The following KHDRBS3 variants were observed in gnomAD, a reference collection of about 807,000 sequenced individuals.
The protein encoded by KHDRBS3 is KH domain-containing, RNA-binding, signal transduction-associated protein 3.
Under a neutral mutation model 45.6 loss-of-function variants are expected in KHDRBS3, and 23 were observed. That is an observed-to-expected ratio of 0.50 (90% confidence interval 0.36 to 0.72). The LOEUF (loss-of-function observed/expected upper bound fraction) is 0.72. KHDRBS3 is among the 30% of genes least tolerant of loss of function. The pLI, the probability that KHDRBS3 is intolerant of heterozygous loss-of-function variation, is 0.00. For synonymous variants in KHDRBS3, 162 were observed against 156.5 expected, an observed-to-expected ratio of 1.04 and a Z score of -0.26; for missense variants, 352 against 424.8, an observed-to-expected ratio of 0.83 and a Z score of 1.51.
intron 6 of KHDRBS3, among the ~76,000 whole-genome samples, chr8:135,590,417 AT>A (rs1333746880): frequency 6.6e-6 from 1 of 152,138 alleles, no homozygotes; most frequent in Non-Finnish European, 1.5e-5. Flanking sequence ...CTGGGCCCGA[AT>A]TTTCTTTTAA....
intron 1 of KHDRBS3, among the ~76,000 whole-genome samples, chr8:135,468,874 T>G (rs1246946378): frequency 6.6e-6 from 1 of 152,250 alleles, no homozygotes; most frequent in Non-Finnish European, 1.5e-5. Context: ...AGGTCCTTGT[T>G]TAAAGATGAG....
chr8:135,481,223 G>GATATATATGT, intron 1 of KHDRBS3, among the ~76,000 whole-genome samples: 1 of 77,408 alleles, frequency 1.3e-5, no homozygotes, highest in East Asian at 4.3e-4. Context: ...TGAAAGCCAC[G>GATATATATGT]ATATATATAT....
intron 2 of KHDRBS3, among the ~76,000 whole-genome samples, chr8:135,528,392 A>G (rs1018823164): frequency 6.6e-6 from 1 of 152,180 alleles, no homozygotes; most frequent in African/African-American, 2.4e-5. Flanking sequence ...TTCCATGGAA[A>G]TCATCGTGGA....
At chr8:135,636,855 G>A (rs775990719) in intron 7 of KHDRBS3, among the ~76,000 whole-genome samples, 1 of 152,186 alleles carries the variant, frequency 6.6e-6, no homozygotes, top group African/African-American at 2.4e-5. Flanking sequence ...ATTCTCAGGG[G>A]AAGAGGGACA....
intron 1 of KHDRBS3, among the ~76,000 whole-genome samples, chr8:135,497,867 T>C (rs1439928988): frequency 6.6e-6 from 1 of 152,232 alleles, no homozygotes; most frequent in African/African-American, 2.4e-5. Flanking sequence ...ACATTCTGTT[T>C]GTATTATTCC....
intron 7 of KHDRBS3, among the ~76,000 whole-genome samples, chr8:135,642,334 G>A (rs1379836418): frequency 6.6e-6 from 1 of 152,138 alleles, no homozygotes; most frequent in Non-Finnish European, 1.5e-5. Flanking sequence ...GCTCAGCTTG[G>A]GCCTCAGCTG....
At chr8:135,488,399 A>T (rs972852408) in intron 1 of KHDRBS3, among the ~76,000 whole-genome samples, 17 of 152,220 alleles carry the variant, frequency 1.1e-4, no homozygotes, top group African/African-American at 4.1e-4. Context: ...GGGATGTTAA[A>T]ATAACTGTCT....
At chr8:135,505,877 T>A (rs1355248405) in intron 1 of KHDRBS3, among the ~76,000 whole-genome samples, 1 of 151,644 alleles carries the variant, frequency 6.6e-6, no homozygotes, top group Non-Finnish European at 1.5e-5. Context: ...GAACCATCAC[T>A]CTGATCTGCT....
intron 7 of KHDRBS3, among the ~76,000 whole-genome samples, chr8:135,631,636 A>G (rs1460488308): frequency 6.6e-6 from 1 of 152,158 alleles, no homozygotes; most frequent in Non-Finnish European, 1.5e-5. Context: ...TCTTCTGGTT[A>G]CCTGCTGAAG....
chr8:135,475,607 T>A (rs1044477069), intron 1 of KHDRBS3, among the ~76,000 whole-genome samples: 10 of 152,196 alleles, frequency 6.6e-5, no homozygotes, highest in Non-Finnish European at 1.0e-4. Context: ...GGCCACCACA[T>A]CTGGCCTTCA....
rs1338745487 is a variant in KHDRBS3 at position 135,606,969 on chromosome 8, A to C, written c.822A>C (p.Gly274=). Reference sequence around the variant, plus strand: ...TTATGTTTTAGGACTATGATGATGGATATGGCACTGCTTATGATGAACAGA... The same window carrying C: ...TTATGTTTTAGGACTATGATGATGGCTATGGCACTGCTTATGATGAACAGA... ...ETYGEYDYDD[G]YGTAYDEQSY... Residue 274 remains glycine (G), a synonymous_variant, in exon 7 of 9, where the codon GGA becomes GGC. Transcript: ENST00000355849. 3 of 1,613,248 alleles carry C rather than the reference A, an allele frequency of 1.9e-6. No homozygotes were observed. In the South Asian group the frequency reaches 3.3e-5, roughly 18 times the overall value.
chr8:135,575,265 C>T (rs919588359), intron 5 of KHDRBS3, among the ~76,000 whole-genome samples: 5 of 152,162 alleles, frequency 3.3e-5, no homozygotes, highest in Non-Finnish European at 5.9e-5. Flanking sequence ...TGGCTTAACC[C>T]AGTAGAAATA....
At chr8:135,530,143 C>T (rs942626132) in intron 2 of KHDRBS3, among the ~76,000 whole-genome samples, 1 of 151,966 alleles carries the variant, frequency 6.6e-6, no homozygotes, top group Non-Finnish European at 1.5e-5. Context: ...TTTGAGGGTA[C>T]ATCATAGAGG....
At chr8:135,624,544 G>A (rs1382313563) in intron 7 of KHDRBS3, among the ~76,000 whole-genome samples, 1 of 152,134 alleles carries the variant, frequency 6.6e-6, no homozygotes, top group Admixed American at 6.5e-5. Flanking sequence ...TTATATCCAG[G>A]CAATGATGCC....
At chr8:135,587,135 A>G (rs181954827) in intron 6 of KHDRBS3, among the ~76,000 whole-genome samples, 54 of 152,324 alleles carry the variant, frequency 3.5e-4, no homozygotes, top group Non-Finnish European at 5.9e-4. Context: ...TCCTTGTAAA[A>G]TGTGCCTATT....
intron 5 of KHDRBS3, among the ~76,000 whole-genome samples, chr8:135,558,884 G>A (rs1042498338): frequency 4.6e-5 from 7 of 152,046 alleles, no homozygotes; most frequent in Admixed American, 2.0e-4. Context: ...TGGCAAGGTC[G>A]TTCTCTCCCT....
chr8:135,488,741 T>C (rs1381185981), intron 1 of KHDRBS3, among the ~76,000 whole-genome samples: 1 of 152,200 alleles, frequency 6.6e-6, no homozygotes, highest in African/African-American at 2.4e-5. Context: ...AGATGTACAA[T>C]TTGCAGCTAC....
chr8:135,505,365 C>T (rs1269559079), intron 1 of KHDRBS3, among the ~76,000 whole-genome samples: 3 of 152,138 alleles, frequency 2.0e-5, no homozygotes, highest in East Asian at 1.9e-4. Flanking sequence ...CTACCACTTC[C>T]CTGCCCTGCT....
At chr8:135,568,697 G>T in intron 5 of KHDRBS3, among the ~76,000 whole-genome samples, 1 of 152,186 alleles carries the variant, frequency 6.6e-6, no homozygotes, top group Non-Finnish European at 1.5e-5. Context: ...ACTAGTGAAA[G>T]TAATAAACAT....
Sources: gnomAD v4.1 joint callset for allele counts (sites outside exome capture counted in the v4.1 genomes callset) on GRCh38, gnomAD v4.1.1 for gene constraint, MANE v1.5 for transcripts, NCBI Gene and HGNC (gene_info 2026-07-23, HGNC 2026-07-21) for gene names.